DAAM1: variants seen among roughly 807,000 people sequenced by gnomAD.
The protein encoded by DAAM1 is dishevelled associated activator of morphogenesis 1, also known as disheveled-associated activator of morphogenesis 1.
Under a neutral mutation model 130.0 loss-of-function variants are expected in DAAM1, and 52 were observed. That is an observed-to-expected ratio of 0.40 (90% confidence interval 0.32 to 0.50). DAAM1 has a LOEUF of 0.50. DAAM1 is among the 20% of genes least tolerant of loss of function. The probability of loss-of-function intolerance (pLI) is 0.61; values close to 1 mark genes in which losing one functional copy is unlikely to be tolerated. For synonymous variants in DAAM1, 452 were observed against 444.5 expected (o/e 1.02, Z -0.21); for missense variants, 1,134 against 1,303.8 (o/e 0.87, Z 2.01).
Position 59,263,621 on chromosome 14 carries a change from C to G in DAAM1, c.144C>G (p.Pro48=). The G allele has an allele frequency of 6.2e-7, 1 of 1,614,184 alleles. No homozygotes were observed. The highest frequency in any genetic ancestry group is 1.7e-5 in the Admixed American group (1 of 60,030). The change falls in exon 2 of 25, where the codon CCC becomes CCG. Residue 48 remains proline (P), a synonymous_variant. Transcript: ENST00000360909. ...LQTMEPALPM[P]PVEELDVMFS... ...CCATGGAACCAGCATTGCCCATGCC[C>G]CCTGTGGAGGAGCTGGATGTCATGT...
At chr14:59,355,388 A>G (rs1265627089) in intron 20 of DAAM1, 55 bp downstream of exon 20, 2 of 1,600,506 alleles carry the variant, frequency 1.2e-6, no homozygotes, top group South Asian at 1.1e-5. Flanking sequence ...GTCCAGGCTC[A>G]GATTTATGCC....
chr14:59,209,996 CATGGTGG>C (rs1051386227), intron 1 of DAAM1, among the ~76,000 whole-genome samples: 1 of 152,002 alleles, frequency 6.6e-6, no homozygotes, highest in Non-Finnish European at 1.5e-5. Flanking sequence ...AGTAGATGGG[CATGGTGG>C]TACACACCTG....
chr14:59,240,015 T>C (rs1889427585), intron 1 of DAAM1, among the ~76,000 whole-genome samples: 1 of 152,242 alleles, frequency 6.6e-6, no homozygotes, highest in Non-Finnish European at 1.5e-5. Context: ...CATGTCAATT[T>C]GTGAACAGTA....
At chr14:59,362,795 G>GTTTTTCT (rs1036531577) in intron 22 of DAAM1, 1 of 152,134 alleles carries the variant, frequency 6.6e-6, no homozygotes, top group African/African-American at 2.4e-5. Flanking sequence ...GGAGAATCCA[G>GTTTTTCT]TTTAAGTCAA....
chr14:59,198,198 C>G (rs1375824996), intron 1 of DAAM1, among the ~76,000 whole-genome samples: 1 of 147,340 alleles, frequency 6.8e-6, no homozygotes, highest in African/African-American at 2.5e-5. Flanking sequence ...CTTTTCTTTT[C>G]TTTTCTTTCT....
At chr14:59,365,104 GCTTCTCTGATGTTGAAGAT>G (rs1487096316) in intron 23 of DAAM1, among the ~76,000 whole-genome samples, 1 of 151,878 alleles carries the variant, frequency 6.6e-6, no homozygotes, top group African/African-American at 2.4e-5. Context: ...CCAGCATCGC[GCTTCTCTGATGTTGAAGAT>G]CTTCTAGCAG....
intron 1 of DAAM1, among the ~76,000 whole-genome samples, chr14:59,217,856 G>C (rs931051736): frequency 2.6e-5 from 4 of 152,012 alleles, no homozygotes; most frequent in Non-Finnish European, 4.4e-5. Flanking sequence ...GCGTGGTGGT[G>C]GGCACCTGTA....
At position 59,331,249 on chromosome 14, in the gene DAAM1, G is replaced by C; in HGVS notation, c.1601G>C (p.Gly534Ala). Residue 534 changes from glycine to alanine, a missense_variant, in exon 14 of 25, where the codon GGA becomes GCA. This residue lies in a region of DAAM1 where 644 missense variants were observed against 695.9 expected (regional missense o/e 0.93). Coordinates refer to ENST00000360909, the MANE Select transcript of DAAM1 (RefSeq NM_001270520.2). Reference sequence around the variant, plus strand: ...TCAATCCCAGGTGGACCCTCGCCTGGAGCACCAGGAGGGCCCTTTCCTTCC... The same window carrying C: ...TCAATCCCAGGTGGACCCTCGCCTGCAGCACCAGGAGGGCCCTTTCCTTCC... ...CASIPGGPSP[G>A]APGGPFPSSV... The C allele has an allele frequency of 6.2e-7, 1 of 1,612,906 alleles. No individual in the cohort carries two copies. Among genetic ancestry groups the C allele is most frequent in the Non-Finnish European group, 8.5e-7 (1 of 1,179,958 alleles).
intron 3 of DAAM1, among the ~76,000 whole-genome samples, chr14:59,313,175 A>C (rs1052965299): frequency 5.9e-5 from 9 of 152,166 alleles, no homozygotes; most frequent in Non-Finnish European, 1.2e-4. Flanking sequence ...GAGGAGAGAG[A>C]GTTTTGGTTC....
intron 3 of DAAM1, among the ~76,000 whole-genome samples, chr14:59,291,709 T>C (rs963443846): frequency 6.6e-6 from 1 of 152,082 alleles, no homozygotes; most frequent in African/African-American, 2.4e-5. Context: ...CCCCATCCCA[T>C]GCACCAAGGT....
intron 1 of DAAM1, among the ~76,000 whole-genome samples, chr14:59,217,331 C>T (rs945704591): frequency 5.9e-5 from 9 of 152,180 alleles, no homozygotes; most frequent in African/African-American, 2.2e-4. Flanking sequence ...TACCCACCTT[C>T]AACTTGAGTA....
Position 59,367,559 on chromosome 14 carries a change from A to G in DAAM1, c.2957A>G (p.Lys986Arg), listed in dbSNP as rs762297551. The change falls in exon 24 of 25, where the codon AAA becomes AGA. Residue 986 changes from lysine to arginine, a missense_variant. By Grantham distance (26) the Lys-to-Arg change is conservative. This residue lies in a region of DAAM1 where 644 missense variants were observed against 695.9 expected (regional missense o/e 0.93). Transcript: ENST00000360909. ...AKQENENMRK[K>R]KEEEERRARM... ...CAAGAAAACGAAAATATGAGAAAGA[A>G]AAAGGAGGAAGAAGAACGTCGAGCT... 6.2e-7 allele frequency: 1 copy of G among 1,613,978 alleles called. No individual in the cohort carries two copies. The highest frequency in any genetic ancestry group is 1.1e-5 in the South Asian group (1 of 91,070).
At chr14:59,335,177 G>T in intron 15 of DAAM1, among the ~76,000 whole-genome samples, 1 of 152,054 alleles carries the variant, frequency 6.6e-6, no homozygotes, top group Non-Finnish European at 1.5e-5. Context: ...GTCAGACTTT[G>T]TATAGGATTT....
At chr14:59,198,052 A>G (rs1252917) in intron 1 of DAAM1, among the ~76,000 whole-genome samples, 26,423 of 151,946 alleles carry the variant, frequency 0.17, 2,449 homozygotes, top group Middle Eastern at 0.24. Context: ...TTATCTTATC[A>G]TTTGTTTCCC....
intron 2 of DAAM1, among the ~76,000 whole-genome samples, chr14:59,289,611 A>G (rs181148444): frequency 2.2e-4 from 34 of 151,950 alleles, no homozygotes; most frequent in Admixed American, 1.9e-3. Flanking sequence ...ATTTGACCCA[A>G]CAAAATCCCA....
intron 20 of DAAM1, among the ~76,000 whole-genome samples, chr14:59,356,292 C>T (rs1036513142): frequency 1.1e-4 from 16 of 152,160 alleles, no homozygotes; most frequent in African/African-American, 3.9e-4. Context: ...AACCTTAAAT[C>T]CATCCAAGAA....
rs117515878 is a variant in DAAM1, at chr14:59,218,119, G to A, written c.-38+29351G>A. On this transcript the variant is annotated intron_variant, in intron 1 of 24. Coordinates refer to ENST00000360909, the MANE Select transcript of DAAM1 (RefSeq NM_001270520.2). ...CTGTACTTCAGCCTGGGTGACAGAG[G>A]AAGATCTCATCTCCAAAAAAAGAAA... Among the ~76,000 whole-genome samples, 450 of 152,138 alleles carry A rather than the reference G, an allele frequency of 3.0e-3. 8 individuals are homozygous for A. The East Asian group carries it at 0.053, about 18-fold the overall frequency.
chr14:59,273,583 T>G (rs1882821484), intron 2 of DAAM1, among the ~76,000 whole-genome samples: 1 of 152,204 alleles, frequency 6.6e-6, no homozygotes, highest in Non-Finnish European at 1.5e-5. Context: ...TGGCTACAAT[T>G]TAAAATCTGA....
chr14:59,229,816 A>C lies in DAAM1; in HGVS notation c.-37-33625A>C, dbSNP rs1388062415. Among the ~76,000 whole-genome samples, 3 of 152,218 alleles carry C rather than the reference A, an allele frequency of 2.0e-5. No homozygotes were observed. In the East Asian group the frequency reaches 5.8e-4, roughly 29 times the overall value. ...CCCTCAGAGGCACTTCAGTGAAGGC[A>C]TGGCTCTGGCTGGTGGTTTCCATCC... On this transcript the variant is annotated intron_variant, in intron 1 of 24. Transcript: ENST00000360909.
Sources: allele counts gnomAD v4.1 joint callset (sites outside exome capture counted in the v4.1 genomes callset), GRCh38; gene constraint gnomAD v4.1.1; regional missense constraint gnomAD v4.1.1; transcripts MANE v1.5; gene names NCBI Gene and HGNC (gene_info 2026-07-23, HGNC 2026-07-21).